PKHD1L1: variants seen among roughly 807,000 people sequenced by gnomAD.
PKHD1L1 encodes the protein fibrocystin-L.
Under a neutral mutation model 462.9 loss-of-function variants are expected in PKHD1L1, and 434 were observed. The ratio of observed to expected loss-of-function variants is 0.94; its 90% CI spans 0.87 to 1.02. PKHD1L1 has a LOEUF of 1.02. Ranked by LOEUF, PKHD1L1 falls within the 50% of genes least tolerant of loss-of-function variation. The probability of loss-of-function intolerance (pLI) is 0.00; values close to 1 mark genes in which losing one functional copy is unlikely to be tolerated. For missense variants in PKHD1L1, 5,202 were observed against 5,096.1 expected (o/e 1.02, Z -0.63); for synonymous variants, 1,781 against 1,750.0 (o/e 1.02, Z -0.44).
In PKHD1L1 at chr8:109,400,230, T is replaced by G. The variant is rs754288667; in HGVS notation, c.1167T>G (p.Val389=). The change falls in exon 13 of 78, where the codon GTT becomes GTG. Residue 389 remains valine (V), a synonymous_variant. Coordinates refer to ENST00000378402, the MANE Select transcript of PKHD1L1 (RefSeq NM_177531.6). ...GGCTCATGGAACAAGACACATTTGTTGCACGCTTTAGTGGATTTTTGGTGG... is the reference window on the plus strand; with the variant it reads ...GGCTCATGGAACAAGACACATTTGTGGCACGCTTTAGTGGATTTTTGGTGG... ...YIWLMEQDTF[V]ARFSGFLVAP... 1.2e-6 allele frequency: 2 copies of G among 1,613,598 alleles called. No homozygotes were observed. Among genetic ancestry groups the G allele is most frequent in the African/African-American group, 2.7e-5 (2 of 74,908 alleles).
chr8:109,368,382 C>T (rs1171701778), intron 2 of PKHD1L1, among the ~76,000 whole-genome samples: 3 of 152,184 alleles, frequency 2.0e-5, no homozygotes, highest in Non-Finnish European at 2.9e-5. Flanking sequence ...CAAGTTATTT[C>T]GCTGAGCCTT....
rs76072933 is a variant in PKHD1L1 at position 109,483,074 on chromosome 8, T to C, written c.9545T>C (p.Val3182Ala). The C allele has an allele frequency of 5.0e-3, 7,989 of 1,601,094 alleles. 364 individuals carry two copies. In the African/African-American group the frequency reaches 0.096, roughly 19 times the overall value. ...GAAACTGCATTTGCAGGTTCCAAAG[T>C]CCTGTCTCTGATGGATGCTGTGGAT... is the stretch of plus-strand genomic sequence containing the variant. ...LSETAFAGSK[V>A]LSLMDAVDWQ... Residue 3182 changes from valine to alanine, a missense_variant, in exon 57 of 78, where the codon GTC becomes GCC. Transcript: ENST00000378402.
rs1815836227 is a variant in PKHD1L1 at position 109,442,214 on chromosome 8, G to A, written c.4393+19G>A. On this transcript the variant is annotated intron_variant, in intron 35 of 77. Coordinates refer to ENST00000378402, the MANE Select transcript of PKHD1L1 (RefSeq NM_177531.6). ...ACATCAGGTATGTTTCTGCTTATTG[G>A]GTTTTGCATCATGTCACTTTTTCCT... The A allele has an allele frequency of 6.3e-7, 1 of 1,580,726 alleles. No individual in the cohort carries two copies. The highest frequency in any genetic ancestry group is 1.4e-5 in the African/African-American group (1 of 73,254).
Position 109,464,967 on chromosome 8 carries a change from A to T in PKHD1L1, c.8135A>T (p.His2712Leu), listed in dbSNP as rs776981742. The T allele has an allele frequency of 6.2e-7, 1 of 1,613,868 alleles. No homozygotes were observed. Among genetic ancestry groups the T allele is most frequent in the Non-Finnish European group, 8.5e-7 (1 of 1,179,792 alleles). ...ATTAAAAATGCCAAAATAGTCGGCC[A>T]TCTTGATGAACTGGGAATGGGGTCT... ...AVIKNAKIVG[H>L]LDELGMGSAF... is the part of the protein sequence containing the mutation. Residue 2712 changes from histidine (H) to leucine (L), a missense_variant, in exon 49 of 78, where the codon CAT becomes CTT. Physicochemically the swap from His to Leu is moderately conservative, Grantham distance 99. Transcript: ENST00000378402.
chr8:109,506,292 A>C (rs1331132798), intron 68 of PKHD1L1, among the ~76,000 whole-genome samples: 2 of 152,160 alleles, frequency 1.3e-5, no homozygotes, highest in Non-Finnish European at 2.9e-5. Context: ...CTCTTAGCCA[A>C]ATAGAACTAG....
At chr8:109,379,556 T>C (rs1177969006) in intron 2 of PKHD1L1, among the ~76,000 whole-genome samples, 5 of 152,162 alleles carry the variant, frequency 3.3e-5, no homozygotes, top group Non-Finnish European at 7.3e-5. Flanking sequence ...CTCCATAACA[T>C]GCATTGAACC....
intron 10 of PKHD1L1, among the ~76,000 whole-genome samples, chr8:109,395,001 A>G (rs1586423282): frequency 6.6e-6 from 1 of 152,360 alleles, no homozygotes; most frequent in South Asian, 2.1e-4. Context: ...TGCAGAATAC[A>G]GGTTGTTTAC....
rs1202810122 is a variant in PKHD1L1, at chr8:109,533,081, T to C, written c.*2991T>C. Among the ~76,000 whole-genome samples, 1 of 152,198 alleles carries C rather than the reference T, an allele frequency of 6.6e-6. No individual in the cohort carries two copies. The highest frequency in any genetic ancestry group is 1.5e-5 in the Non-Finnish European group (1 of 68,014). ...AAAGCTGGGATTCAAACACAGACAA[T>C]TTAACTCCAGAGCCCAAATTCCAAC... On this transcript the variant is annotated 3_prime_UTR_variant, in exon 78 of 78. Coordinates refer to ENST00000378402, the MANE Select transcript of PKHD1L1 (RefSeq NM_177531.6).
intron 3 of PKHD1L1, 99 bp downstream of exon 3, chr8:109,381,613 T>C (rs1445418406): frequency 3.3e-6 from 3 of 922,966 alleles, no homozygotes; most frequent in African/African-American, 3.4e-5. Context: ...CTGGCTATTA[T>C]AAATAATATT....
chr8:109,498,716 G>T lies in PKHD1L1; in HGVS notation c.10773G>T (p.Lys3591Asn). Residue 3591 changes from lysine (K) to asparagine (N), a missense_variant, in exon 67 of 78, where the codon AAG becomes AAT. Lys to Asn is a moderately conservative substitution (Grantham distance 94). Coordinates refer to ENST00000378402, the MANE Select transcript of PKHD1L1 (RefSeq NM_177531.6). The part of the protein sequence containing the change: ...FASAHNMAPR[K>N]PHAGIMSYNA... ...CAGCTCATAACATGGCACCCCGAAAGCCCCATGCAGGAATCATGAGTTACA... is the reference window on the plus strand; with the variant it reads ...CAGCTCATAACATGGCACCCCGAAATCCCCATGCAGGAATCATGAGTTACA... 6.2e-7 allele frequency: 1 copy of T among 1,613,948 alleles called. No individual in the cohort carries two copies.
intron 53 of PKHD1L1, among the ~76,000 whole-genome samples, chr8:109,478,437 G>T (rs554822894): frequency 7.2e-5 from 11 of 152,138 alleles, no homozygotes; most frequent in Non-Finnish European, 1.2e-4. Flanking sequence ...TGTGATAAAT[G>T]TTATAAAAAA....
At chr8:109,387,725 A>AAAAGT (rs1308617453) in intron 6 of PKHD1L1, among the ~76,000 whole-genome samples, 2 of 152,328 alleles carry the variant, frequency 1.3e-5, no homozygotes, top group East Asian at 3.9e-4. Flanking sequence ...ACTTATGTGT[A>AAAAGT]AAAGTATATT....
chr8:109,425,166 A>G lies in PKHD1L1; in HGVS notation c.2779A>G (p.Ile927Val). 1 of 1,610,514 alleles carries G rather than the reference A, an allele frequency of 6.2e-7. No individual in the cohort carries two copies. Among genetic ancestry groups the G allele is most frequent in the South Asian group, 1.1e-5 (1 of 90,350 alleles). ...CGAGTCAAAAATTCATATTCAAAGA[A>G]TTCAAGCTGCATCTCCACCTCTAAG... Reference protein sequence around the residue: ...PGESKIHIQRIQAASPPLSGS... With the variant: ...PGESKIHIQRVQAASPPLSGS... The change falls in exon 24 of 78, where the codon ATT becomes GTT. Residue 927 changes from isoleucine (I) to valine (V), a missense_variant. Physicochemically the swap from Ile to Val is conservative, Grantham distance 29 (BLOSUM62 3). Around this residue, in one of 3 missense-constraint regions of PKHD1L1, gnomAD observed 4,497 missense variants for 4,336.8 expected, o/e 1.04. Transcript: ENST00000378402.
chr8:109,527,069 G>A (rs1340850766), intron 77 of PKHD1L1, 49 bp downstream of exon 77: 16 of 1,449,684 alleles, frequency 1.1e-5, no homozygotes, highest in Non-Finnish European at 1.4e-5. Context: ...TGAAGTACCA[G>A]TGTTTACTGG....
At chr8:109,400,911 C>T (rs1343281493) in intron 13 of PKHD1L1, among the ~76,000 whole-genome samples, 1 of 152,026 alleles carries the variant, frequency 6.6e-6, no homozygotes, top group South Asian at 2.1e-4. Flanking sequence ...ATCAAAGTAA[C>T]ATTTTATGAC....
chr8:109,503,108 C>A, intron 67 of PKHD1L1, among the ~76,000 whole-genome samples: 1 of 152,114 alleles, frequency 6.6e-6, no homozygotes, highest in East Asian at 1.9e-4. Flanking sequence ...GAGTTTGAGG[C>A]CAGCCTGCCC....
At position 109,479,612 on chromosome 8, in the gene PKHD1L1, C is replaced by A; in HGVS notation, c.9151C>A (p.Pro3051Thr). The A allele has an allele frequency of 6.6e-7, 1 of 1,524,620 alleles. No homozygotes were observed. Among genetic ancestry groups the A allele is most frequent in the Non-Finnish European group, 9.0e-7 (1 of 1,108,822 alleles). 94.4% of individuals were successfully genotyped at this position (1,524,620 alleles called of 1,614,324 possible). ...AGAAAATAATTATACTGTACCTCAC[C>A]CAGGGGCAAATGTGATTATACCTGA... ...SRENNYTVPH[P>T]GANVIIPEGT... Residue 3051 changes from proline (P) to threonine (T), a missense_variant, in exon 54 of 78, where the codon CCA becomes ACA. Pro to Thr is a conservative substitution (Grantham distance 38). Around this residue, in one of 3 missense-constraint regions of PKHD1L1, gnomAD observed 4,497 missense variants for 4,336.8 expected, o/e 1.04. Coordinates refer to ENST00000378402, the MANE Select transcript of PKHD1L1 (RefSeq NM_177531.6).
intron 55 of PKHD1L1, 120 bp downstream of exon 55, chr8:109,480,259 TC>T: frequency 9.5e-7 from 1 of 1,049,480 alleles, no homozygotes; most frequent in Non-Finnish European, 1.4e-6. Flanking sequence ...ACTGGCTCTA[TC>T]CCATTAAATG....
chr8:109,512,509 T>C (rs947172669), intron 71 of PKHD1L1, among the ~76,000 whole-genome samples: 1 of 152,154 alleles, frequency 6.6e-6, no homozygotes, highest in Non-Finnish European at 1.5e-5. Context: ...TAGTTGTAGA[T>C]ATGCGGCATT....
Sources: allele counts gnomAD v4.1 joint callset (sites outside exome capture counted in the v4.1 genomes callset), GRCh38; gene constraint gnomAD v4.1.1; regional missense constraint gnomAD v4.1.1; transcripts MANE v1.5; gene names NCBI Gene and HGNC (gene_info 2026-07-23, HGNC 2026-07-21).